Variants in GRIN2A observed in about 807,000 individuals in gnomAD.
GRIN2A encodes the protein glutamate receptor ionotropic, NMDA 2A.
A neutral mutation model predicts 113.4 loss-of-function variants in GRIN2A; 22 were observed. The observed-to-expected ratio is 0.19, with a 90% CI of 0.14 to 0.28. GRIN2A has a LOEUF of 0.28. Ranked by LOEUF, GRIN2A falls within the 10% of genes least tolerant of loss-of-function variation. GRIN2A has a pLI of 1.00. For missense variants in GRIN2A, 1,502 were observed against 1,887.0 expected (o/e 0.80, Z 3.78); for synonymous variants, 827 against 738.4 (o/e 1.12, Z -1.94).
intron 2 of GRIN2A, among the ~76,000 whole-genome samples, chr16:10,171,120 C>T (rs1207036976): frequency 1.3e-5 from 2 of 152,072 alleles, no homozygotes; most frequent in African/African-American, 4.8e-5. Context: ...GCATCTGAGC[C>T]CCTTCCCTAA....
chr16:9,924,920 G>A (rs1169152161), intron 3 of GRIN2A, among the ~76,000 whole-genome samples: 2 of 152,086 alleles, frequency 1.3e-5, no homozygotes, highest in African/African-American at 4.8e-5. Context: ...CTATGAAGTT[G>A]AGAGTTAGAG....
intron 3 of GRIN2A, among the ~76,000 whole-genome samples, chr16:9,906,875 C>T (rs1475593652): frequency 1.3e-5 from 2 of 152,216 alleles, no homozygotes; most frequent in African/African-American, 4.8e-5. Flanking sequence ...TAGGGTCTTG[C>T]TGTGTTGCCC....
intron 2 of GRIN2A, among the ~76,000 whole-genome samples, chr16:10,167,548 C>G (rs958280915): frequency 6.6e-6 from 1 of 152,154 alleles, no homozygotes; most frequent in South Asian, 2.1e-4. Context: ...AAATCACAAA[C>G]AGAAAGAAAT....
At chr16:9,872,820 A>G (rs936992262) in intron 4 of GRIN2A, among the ~76,000 whole-genome samples, 1 of 152,136 alleles carries the variant, frequency 6.6e-6, no homozygotes, top group East Asian at 1.9e-4. Flanking sequence ...ACCTGAGCTC[A>G]GGAGTTTGAG....
At chr16:9,792,472 C>A (rs750416076) in intron 11 of GRIN2A, among the ~76,000 whole-genome samples, 11 of 152,176 alleles carry the variant, frequency 7.2e-5, no homozygotes, top group Non-Finnish European at 1.2e-4. Context: ...AAACCTCCCA[C>A]CTCAGGCTCC....
At chr16:10,108,623 A>G (rs549894425) in intron 2 of GRIN2A, among the ~76,000 whole-genome samples, 1 of 152,312 alleles carries the variant, frequency 6.6e-6, no homozygotes, top group Admixed American at 6.5e-5. Context: ...AGGGTCACAC[A>G]CTTAGTGTAC....
intron 2 of GRIN2A, among the ~76,000 whole-genome samples, chr16:9,961,589 G>C (rs1304147853): frequency 6.6e-6 from 1 of 152,112 alleles, no homozygotes; most frequent in African/African-American, 2.4e-5. Flanking sequence ...GAACTTCATA[G>C]GGAACTAGAA....
In GRIN2A at chr16:9,761,915, C is replaced by T. The variant is rs922674012; in HGVS notation, c.*1234G>A. On this transcript the variant is annotated 3_prime_UTR_variant, in exon 13 of 13. Coordinates refer to ENST00000330684, the MANE Select transcript of GRIN2A (RefSeq NM_001134407.3). ...ATTGCTTGTCTCACTAAACTGTATC[C>T]ACAGTTTGGAGGATACTCAGGGTAG... The T allele has an allele frequency of 9.7e-6, 2 of 205,210 alleles. No individual in the cohort carries two copies. Among genetic ancestry groups the T allele is most frequent in the African/African-American group, 2.3e-5 (1 of 43,770 alleles). The allele number at this position is 205,210 out of a possible 1,614,324, so 12.7% of individuals were successfully genotyped here.
intron 2 of GRIN2A, among the ~76,000 whole-genome samples, chr16:10,114,176 G>A (rs529942891): frequency 1.9e-4 from 29 of 152,212 alleles, no homozygotes; most frequent in African/African-American, 6.5e-4. Flanking sequence ...GGGCAACAGA[G>A]CAAGACCCTG....
chr16:10,001,381 T>C (rs2046316779), intron 2 of GRIN2A, among the ~76,000 whole-genome samples: 1 of 152,118 alleles, frequency 6.6e-6, no homozygotes, highest in Non-Finnish European at 1.5e-5. Context: ...TCTTAAACAA[T>C]AGAGATACAT....
intron 2 of GRIN2A, among the ~76,000 whole-genome samples, chr16:9,968,273 T>TATGC (rs1234222001): frequency 4.3e-5 from 3 of 69,350 alleles, no homozygotes; most frequent in African/African-American, 2.1e-4. Flanking sequence ...TGTATGTATG[T>TATGC]ATGTATGTAT....
intron 2 of GRIN2A, among the ~76,000 whole-genome samples, chr16:10,011,967 A>T (rs1159451419): frequency 6.6e-6 from 1 of 152,182 alleles, no homozygotes; most frequent in Admixed American, 6.5e-5. Context: ...TAGCATAGAT[A>T]AGAGGTCCTC....
intron 11 of GRIN2A, among the ~76,000 whole-genome samples, chr16:9,772,602 C>A (rs1901339570): frequency 6.6e-6 from 1 of 152,112 alleles, no homozygotes; most frequent in Non-Finnish European, 1.5e-5. Flanking sequence ...TCTCAAACTC[C>A]TGGGCTCAAG....
At chr16:10,176,002 T>TC (rs1192518402) in intron 2 of GRIN2A, among the ~76,000 whole-genome samples, 1 of 139,042 alleles carries the variant, frequency 7.2e-6, no homozygotes, top group South Asian at 2.2e-4. Context: ...TAATTTTCCT[T>TC]CTTTTTTTTT....
intron 2 of GRIN2A, among the ~76,000 whole-genome samples, chr16:10,036,626 T>G (rs2047037335): frequency 6.6e-6 from 1 of 151,662 alleles, no homozygotes; most frequent in Non-Finnish European, 1.5e-5. Context: ...TTTTGTATTT[T>G]TAGTAGAGAT....
At chr16:9,857,736 C>T (rs2042993565) in intron 4 of GRIN2A, among the ~76,000 whole-genome samples, 1 of 152,156 alleles carries the variant, frequency 6.6e-6, no homozygotes, top group Admixed American at 6.5e-5. Flanking sequence ...AAAGGAATGC[C>T]CAATGCTATG....
At chr16:10,088,568 A>T (rs552135375) in intron 2 of GRIN2A, among the ~76,000 whole-genome samples, 19 of 152,324 alleles carry the variant, frequency 1.2e-4, no homozygotes, top group African/African-American at 4.1e-4. Context: ...TCTGGGGAAC[A>T]TGCAGTTCTT....
At chr16:10,139,785 A>G (rs1350338764) in intron 2 of GRIN2A, among the ~76,000 whole-genome samples, 1 of 152,234 alleles carries the variant, frequency 6.6e-6, no homozygotes, top group Non-Finnish European at 1.5e-5. Context: ...GGTCTGTATC[A>G]GGTGCAGCAA....
At chr16:9,937,937 G>T in intron 3 of GRIN2A, 22 bp downstream of exon 3, 2 of 1,552,258 alleles carry the variant, frequency 1.3e-6, no homozygotes, top group Non-Finnish European at 1.8e-6. Context: ...CCCACTTTGG[G>T]AGACAACAAG....
Sources: allele counts gnomAD v4.1 joint callset (sites outside exome capture counted in the v4.1 genomes callset), GRCh38; gene constraint gnomAD v4.1.1; transcripts MANE v1.5; gene names NCBI Gene and HGNC (gene_info 2026-07-23, HGNC 2026-07-21).